ACTR1A: variants seen among roughly 807,000 people sequenced by gnomAD.
ACTR1A encodes actin related protein 1A.
A neutral mutation model predicts 50.7 loss-of-function variants in ACTR1A; 10 were observed. The observed-to-expected ratio is 0.20, with a 90% confidence interval of 0.12 to 0.33. The LOEUF is 0.33. Ranked by LOEUF, ACTR1A falls within the 10% of genes least tolerant of loss-of-function variation. ACTR1A has a pLI of 1.00. For synonymous variants in ACTR1A, 177 were observed against 184.2 expected, an observed-to-expected ratio of 0.96 and a Z score of 0.32; for missense variants, 253 against 491.7, an observed-to-expected ratio of 0.51 and a Z score of 4.59.
intron 1 of ACTR1A, among the ~76,000 whole-genome samples, chr10:102,501,132 AG>A (rs1467460482): frequency 6.6e-6 from 1 of 152,122 alleles, no homozygotes; most frequent in African/African-American, 2.4e-5. Flanking sequence ...CCCCTTTCTA[AG>A]GGGGAATAAT....
rs2062133861 is a variant in ACTR1A, at chr10:102,480,606, A to C, written c.*257T>G. On this transcript the variant is annotated 3_prime_UTR_variant, in exon 11 of 11. Transcript: ENST00000369905. Reference sequence around the variant, plus strand: ...GCCAGAGGCCACCTGAGGAGGGAGCACAGCCTCTGCCAGCGCTCTTCCCTG... The same window carrying C: ...GCCAGAGGCCACCTGAGGAGGGAGCCCAGCCTCTGCCAGCGCTCTTCCCTG... 1 of 530,366 alleles carries C rather than the reference A, an allele frequency of 1.9e-6. No homozygotes were observed. Among genetic ancestry groups the C allele is most frequent in the Non-Finnish European group, 3.4e-6 (1 of 294,938 alleles). The allele number at this position is 530,366 out of a possible 1,614,324, so 32.9% of individuals were successfully genotyped here.
chr10:102,481,428 C>T (rs896126359), intron 9 of ACTR1A, among the ~76,000 whole-genome samples: 2 of 152,174 alleles, frequency 1.3e-5, no homozygotes, highest in South Asian at 2.1e-4. Context: ...GTACTCCTTC[C>T]TTTAGGATCC....
At chr10:102,481,365 G>C (rs2062140711) in intron 9 of ACTR1A, among the ~76,000 whole-genome samples, 193 bp from the exon 10 acceptor site, 1 of 141,836 alleles carries the variant, frequency 7.1e-6, no homozygotes, top group South Asian at 2.2e-4. Flanking sequence ...AGGTCCCAGG[G>C]AAGCTGGGAC....
At chr10:102,498,744 A>T (rs2062234101) in intron 1 of ACTR1A, among the ~76,000 whole-genome samples, 1 of 152,036 alleles carries the variant, frequency 6.6e-6, no homozygotes, top group African/African-American at 2.4e-5. Context: ...AAATGCTGGA[A>T]TTACAGGAGT....
intron 2 of ACTR1A, among the ~76,000 whole-genome samples, chr10:102,489,375 T>G (rs945247569): frequency 6.6e-6 from 1 of 152,108 alleles, no homozygotes; most frequent in Non-Finnish European, 1.5e-5. Flanking sequence ...TGAAAACAAA[T>G]TTTTAGAGTA....
At chr10:102,498,485 G>A (rs2062232817) in intron 1 of ACTR1A, among the ~76,000 whole-genome samples, 1 of 152,098 alleles carries the variant, frequency 6.6e-6, no homozygotes, top group Admixed American at 6.6e-5. Flanking sequence ...TTAGGTTCAG[G>A]CAAAACTGTA....
intron 4 of ACTR1A, among the ~76,000 whole-genome samples, chr10:102,486,680 C>T (rs1024047729): frequency 4.0e-5 from 6 of 151,866 alleles, no homozygotes; most frequent in African/African-American, 1.2e-4. Flanking sequence ...GCCACAAGAG[C>T]GAAACTCCAT....
chr10:102,502,538 G>C, intron 1 of ACTR1A, 62 bp downstream of exon 1: 1 of 1,589,062 alleles, frequency 6.3e-7, no homozygotes, highest in Non-Finnish European at 8.6e-7. Context: ...TGAACCCCGG[G>C]AAGCGATCCT....
chr10:102,486,218 ATG>A (rs1185138241), intron 4 of ACTR1A, among the ~76,000 whole-genome samples: 4 of 152,150 alleles, frequency 2.6e-5, no homozygotes, highest in Admixed American at 1.3e-4. Context: ...TGAACTGCGC[ATG>A]TGAGGGATCT....
chr10:102,488,951 A>G lies in ACTR1A; in HGVS notation c.189+112T>C, dbSNP rs531748451. 2 of 725,348 alleles carry G rather than the reference A, an allele frequency of 2.8e-6. No individual in the cohort carries two copies. Among genetic ancestry groups the G allele is most frequent in the East Asian group, 3.1e-5 (1 of 31,878 alleles). The allele number at this position is 725,348 out of a possible 1,614,324, so 44.9% of individuals were successfully genotyped here. ...AGAATCAAAAAGGAGATTTTCAGAG[A>G]AAGTTGCCCCTTTTACTTATGGGTA... On this transcript the variant is annotated intron_variant, in intron 3 of 10. Coordinates refer to ENST00000369905, the MANE Select transcript of ACTR1A (RefSeq NM_005736.4). The surrounding 1 kb of genome is among the most constrained non-coding windows in gnomAD (Gnocchi z 4.4).
chr10:102,501,821 A>T (rs148992740), intron 1 of ACTR1A, among the ~76,000 whole-genome samples: 219 of 152,360 alleles, frequency 1.4e-3, no homozygotes, highest in African/African-American at 4.2e-3. Context: ...CGCCAGGCAA[A>T]TATTAAGTTT....
At position 102,502,689 on chromosome 10, in the gene ACTR1A, G is replaced by C. The variant is rs200977265; in HGVS notation, c.-42C>G. 5 of 1,610,840 alleles carry C rather than the reference G, an allele frequency of 3.1e-6. No homozygotes were observed. The highest frequency in any genetic ancestry group is 4.2e-6 in the Non-Finnish European group (5 of 1,177,576). Reference sequence around the variant, plus strand: ...CTTCTGGGGAAGGAACTGCCCAGCCGGGTCCGCCGCTAGCGCCACTGACAC... The same window carrying C: ...CTTCTGGGGAAGGAACTGCCCAGCCCGGTCCGCCGCTAGCGCCACTGACAC... On this transcript the variant is annotated 5_prime_UTR_variant, in exon 1 of 11. Coordinates refer to ENST00000369905, the MANE Select transcript of ACTR1A (RefSeq NM_005736.4).
In ACTR1A at chr10:102,479,619, C is replaced by T. The variant is rs2062128523; in HGVS notation, c.*1244G>A. The stretch of plus-strand genomic sequence containing the variant: ...GCACTCTGGTCTGGCCCACTCCCTC[C>T]TTAACCAAGCAGGTCCAAGGTCAAG... On this transcript the variant is annotated 3_prime_UTR_variant, in exon 11 of 11. Coordinates refer to ENST00000369905, the MANE Select transcript of ACTR1A (RefSeq NM_005736.4). The surrounding 1 kb of genome is among the most constrained non-coding windows in gnomAD (Gnocchi z 4.0). The T allele has an allele frequency of 1.6e-6, 2 of 1,289,472 alleles. No homozygotes were observed. The highest frequency in any genetic ancestry group is 2.0e-6 in the Non-Finnish European group (2 of 988,818). 79.9% of individuals were successfully genotyped at this position (1,289,472 alleles called of 1,614,324 possible).
intron 10 of ACTR1A, 59 bp from the exon 11 acceptor site, chr10:102,481,024 A>G: frequency 3.2e-6 from 5 of 1,579,396 alleles, no homozygotes; most frequent in Non-Finnish European, 2.6e-6. Flanking sequence ...TGTGGAGCCT[A>G]CCAGTCCCCT....
At chr10:102,502,165 T>G (rs1172030541) in intron 1 of ACTR1A, among the ~76,000 whole-genome samples, 1 of 151,978 alleles carries the variant, frequency 6.6e-6, no homozygotes, top group Non-Finnish European at 1.5e-5. Flanking sequence ...GAAAACAATA[T>G]GGCGGCAAGG....
intron 9 of ACTR1A, among the ~76,000 whole-genome samples, chr10:102,481,572 T>A (rs958590890): frequency 1.3e-5 from 2 of 152,166 alleles, no homozygotes; most frequent in Non-Finnish European, 2.9e-5. Flanking sequence ...CCCTGAAAGA[T>A]CACGCAGGGG....
At chr10:102,489,705 T>C (rs1394997914) in intron 2 of ACTR1A, among the ~76,000 whole-genome samples, 2 of 152,224 alleles carry the variant, frequency 1.3e-5, no homozygotes, top group Admixed American at 6.5e-5. Context: ...TCCCAGCTAC[T>C]TGGGAGGCTG....
rs1388158574 is a variant in ACTR1A at position 102,480,053 on chromosome 10, C to T, written c.*810G>A. 2 of 170,798 alleles carry T rather than the reference C, an allele frequency of 1.2e-5. No homozygotes were observed. The highest frequency in any genetic ancestry group is 1.3e-4 in the South Asian group (1 of 7,656). 10.6% of individuals were successfully genotyped at this position (170,798 alleles called of 1,614,324 possible). A position where few individuals can be genotyped will look rare whatever the true frequency, so the allele number is the denominator to read the frequency against. On this transcript the variant is annotated 3_prime_UTR_variant, in exon 11 of 11. Transcript: ENST00000369905. ...CAAGGCAGGAGGCAGCAAGCTCCCTCTCTCCAGCCCCTAACTGAACAAACA... is the reference window on the plus strand; with the variant it reads ...CAAGGCAGGAGGCAGCAAGCTCCCTTTCTCCAGCCCCTAACTGAACAAACA...
intron 5 of ACTR1A, 90 bp from the exon 6 acceptor site, chr10:102,484,466 A>G: frequency 8.5e-7 from 1 of 1,177,688 alleles, no homozygotes. Flanking sequence ...TGTCAGCTAA[A>G]CTAAAGCTTG....
Sources: allele counts gnomAD v4.1 joint callset (sites outside exome capture counted in the v4.1 genomes callset), GRCh38; gene constraint gnomAD v4.1.1; non-coding constraint Gnocchi (gnomAD v3.1); transcripts MANE v1.5; gene names NCBI Gene and HGNC (gene_info 2026-07-23, HGNC 2026-07-21).